Variants in CDH4 observed in about 807,000 individuals in gnomAD.
The protein encoded by CDH4 is cadherin 4, also known as cadherin-4.
A neutral mutation model predicts 86.0 loss-of-function variants in CDH4; 33 were observed. That is an observed-to-expected ratio of 0.38 (90% confidence interval 0.29 to 0.51). The LOEUF (loss-of-function observed/expected upper bound fraction) is 0.51, where lower values mean the gene tolerates loss of function less well. Among genes scored for constraint, CDH4 ranks in the 20% least tolerant of loss-of-function variants. The probability of loss-of-function intolerance (pLI) is 0.86; values close to 1 mark genes in which losing one functional copy is unlikely to be tolerated. For missense variants in CDH4, 1,114 were observed against 1,307.4 expected, an observed-to-expected ratio of 0.85 and a Z score of 2.28; for synonymous variants, 555 against 549.4, an observed-to-expected ratio of 1.01 and a Z score of -0.14.
intron 2 of CDH4, among the ~76,000 whole-genome samples, chr20:61,349,257 G>T (rs958399757): frequency 5.3e-5 from 8 of 152,220 alleles, no homozygotes; most frequent in African/African-American, 1.9e-4. Context: ...CCAACCCAAG[G>T]CTGCTCCGTA....
chr20:61,699,163 C>A (rs1165863370), intron 2 of CDH4, among the ~76,000 whole-genome samples: 6 of 152,220 alleles, frequency 3.9e-5, no homozygotes, highest in African/African-American at 1.2e-4. Flanking sequence ...TGGTGGCGCA[C>A]AGGCGCTCTG....
intron 2 of CDH4, among the ~76,000 whole-genome samples, chr20:61,662,672 C>T (rs933960232): frequency 1.3e-5 from 2 of 152,276 alleles, no homozygotes; most frequent in Middle Eastern, 3.4e-3. Flanking sequence ...GAGAGAGGAA[C>T]GGACAGTGTC....
chr20:61,361,605 G>A (rs1030860147), intron 2 of CDH4, among the ~76,000 whole-genome samples: 1 of 152,160 alleles, frequency 6.6e-6, no homozygotes, highest in African/African-American at 2.4e-5. Flanking sequence ...TCCGACAGTC[G>A]TGCGTGGAGG....
intron 2 of CDH4, among the ~76,000 whole-genome samples, chr20:61,290,944 C>A (rs2084317224): frequency 6.6e-6 from 1 of 152,270 alleles, no homozygotes; most frequent in South Asian, 2.1e-4. Flanking sequence ...TGTATCTTTC[C>A]ATCTCTTGGC....
chr20:61,853,210 C>T (rs920068990), intron 6 of CDH4, among the ~76,000 whole-genome samples: 3 of 152,036 alleles, frequency 2.0e-5, no homozygotes, highest in Non-Finnish European at 4.4e-5. Context: ...GTGCAGCTGG[C>T]GTGTGGGCTG....
At chr20:61,892,947 T>A in intron 7 of CDH4, among the ~76,000 whole-genome samples, 1 of 142,258 alleles carries the variant, frequency 7.0e-6, no homozygotes, top group East Asian at 2.1e-4. Context: ...AGTGGATGGA[T>A]AAATGGATGG....
chr20:61,309,911 G>A (rs1280514610), intron 2 of CDH4, among the ~76,000 whole-genome samples: 1 of 152,234 alleles, frequency 6.6e-6, no homozygotes, highest in African/African-American at 2.4e-5. Flanking sequence ...ACATGGAGCA[G>A]AAGTGTGGCA....
intron 2 of CDH4, among the ~76,000 whole-genome samples, chr20:61,335,276 C>T (rs1381354869): frequency 1.3e-5 from 2 of 152,178 alleles, no homozygotes; most frequent in African/African-American, 4.8e-5. Context: ...TTTGGTCCAA[C>T]GGAGATCGAA....
chr20:61,257,756 A>G (rs997718873), intron 2 of CDH4, among the ~76,000 whole-genome samples: 1 of 152,196 alleles, frequency 6.6e-6, no homozygotes, highest in African/African-American at 2.4e-5. Context: ...TTTGTTAATA[A>G]TTAATGGCCA....
chr20:61,341,125 A>G (rs1458782711), intron 2 of CDH4, among the ~76,000 whole-genome samples: 1 of 152,220 alleles, frequency 6.6e-6, no homozygotes, highest in Admixed American at 6.5e-5. Context: ...CTTCTCGCTC[A>G]GTGAGATAAA....
rs558971226 is a variant in CDH4 at position 61,416,332 on chromosome 20, A to G, written c.169+161395A>G. On this transcript the variant is annotated intron_variant, in intron 2 of 15. Transcript: ENST00000614565. ...CCTTTTTAAGGCTGCGTAACATTCC[A>G]TCATAGGGTAGACCACATTCTGTTT... 2.0e-5 allele frequency among the ~76,000 whole-genome samples: 3 copies of G among 152,262 alleles called. No homozygotes were observed. The South Asian group carries it at 6.2e-4, about 32-fold the overall frequency.
chr20:61,660,046 A>AGG, intron 2 of CDH4, among the ~76,000 whole-genome samples: 1 of 142,950 alleles, frequency 7.0e-6, no homozygotes, highest in Non-Finnish European at 1.6e-5. Flanking sequence ...CCCGCTCCCA[A>AGG]GGGGGCAGCT....
At chr20:61,519,009 C>T (rs1463119135) in intron 2 of CDH4, among the ~76,000 whole-genome samples, 1 of 132,742 alleles carries the variant, frequency 7.5e-6, no homozygotes, top group Non-Finnish European at 1.6e-5. Context: ...CCATGCATTC[C>T]CAGGATGCAC....
At chr20:61,637,600 T>A (rs968432178) in intron 2 of CDH4, among the ~76,000 whole-genome samples, 5 of 152,264 alleles carry the variant, frequency 3.3e-5, no homozygotes, top group Admixed American at 2.0e-4. Flanking sequence ...TTTTATTTTT[T>A]ATTTTTACTT....
chr20:61,565,313 G>C (rs897034956), intron 2 of CDH4, among the ~76,000 whole-genome samples: 1 of 39,884 alleles, frequency 2.5e-5, no homozygotes, highest in Non-Finnish European at 4.9e-5. Context: ...GCTCTTGGTG[G>C]TGGCGGTGCT....
chr20:61,432,961 C>G (rs993577483), intron 2 of CDH4, among the ~76,000 whole-genome samples: 1 of 151,544 alleles, frequency 6.6e-6, no homozygotes, highest in Non-Finnish European at 1.5e-5. Flanking sequence ...GCCTCAGCCT[C>G]CCGGGTACCT....
intron 6 of CDH4, among the ~76,000 whole-genome samples, chr20:61,866,436 C>A (rs34255908): frequency 6.6e-5 from 10 of 152,084 alleles, no homozygotes; most frequent in Non-Finnish European, 1.2e-4. Flanking sequence ...TCCCCCTCCC[C>A]CCGGAGGCCA....
intron 7 of CDH4, among the ~76,000 whole-genome samples, chr20:61,893,547 T>C (rs1984952916): frequency 8.4e-6 from 1 of 118,414 alleles, no homozygotes. Context: ...GGTGGATGGG[T>C]GCATGAATAG....
chr20:61,912,469 T>C (rs2054860987), intron 9 of CDH4, among the ~76,000 whole-genome samples: 1 of 152,250 alleles, frequency 6.6e-6, no homozygotes, highest in African/African-American at 2.4e-5. Flanking sequence ...ATCATTTTTA[T>C]TTTATGAAAT....
Sources: allele counts gnomAD v4.1 joint callset (sites outside exome capture counted in the v4.1 genomes callset), GRCh38; gene constraint gnomAD v4.1.1; transcripts MANE v1.5; gene names NCBI Gene and HGNC (gene_info 2026-07-23, HGNC 2026-07-21).